The following ENTPD7 variants were observed in gnomAD, a reference collection of about 807,000 sequenced individuals.
ENTPD7 encodes NTPDase 7.
In ENTPD7, 53 loss-of-function variants were observed where a neutral mutation model predicts 77.9. The ratio of observed to expected loss-of-function variants is 0.68; its 90% CI spans 0.55 to 0.85. The LOEUF (loss-of-function observed/expected upper bound fraction) is 0.85. Ranked by LOEUF, ENTPD7 falls within the 40% of genes least tolerant of loss-of-function variation. The probability of loss-of-function intolerance (pLI) is 0.00; values close to 1 mark genes in which losing one functional copy is unlikely to be tolerated. For missense variants in ENTPD7, 636 were observed against 743.7 expected, an observed-to-expected ratio of 0.86 and a Z score of 1.68; for synonymous variants, 248 against 274.9, an observed-to-expected ratio of 0.90 and a Z score of 0.97.
chr10:99,702,738 G>A (rs965902700), intron 12 of ENTPD7, 65 bp downstream of exon 12: 18 of 1,433,738 alleles, frequency 1.3e-5, no homozygotes, highest in Admixed American at 1.1e-4. Context: ...CCTCAGAATC[G>A]GTTTCTTTCT....
At chr10:99,681,597 T>C (rs2035754749) in intron 5 of ENTPD7, among the ~76,000 whole-genome samples, 1 of 152,162 alleles carries the variant, frequency 6.6e-6, no homozygotes, top group Admixed American at 6.6e-5. Context: ...TTTTAATTTT[T>C]TGAGGAACCT....
At position 99,665,328 on chromosome 10, in the gene ENTPD7, G is replaced by A. The variant is rs140290066; in HGVS notation, c.191+3700G>A. 4.2e-4 allele frequency among the ~76,000 whole-genome samples: 64 copies of A among 151,870 alleles called. No individual in the cohort carries two copies. The East Asian group carries it at 9.7e-3, about 23-fold the overall frequency. Reference sequence around the variant, plus strand: ...CAGCATATATATTCACTTATGTCCCGTAGGAGACAGAAAGGCTTTCCATGA... The same window carrying A: ...CAGCATATATATTCACTTATGTCCCATAGGAGACAGAAAGGCTTTCCATGA... On this transcript the variant is annotated intron_variant, in intron 3 of 12. Transcript: ENST00000370489.
At position 99,691,440 on chromosome 10, in the gene ENTPD7, G is replaced by T; in HGVS notation, c.765G>T (p.Gly255=). 6.2e-7 allele frequency: 1 copy of T among 1,614,110 alleles called. No individual in the cohort carries two copies. The highest frequency in any genetic ancestry group is 1.1e-5 in the South Asian group (1 of 91,080). Residue 255 remains glycine (G), a synonymous_variant, in exon 8 of 13, where the codon GGG becomes GGT. Coordinates refer to ENST00000370489, the MANE Select transcript of ENTPD7 (RefSeq NM_020354.5). The part of the protein sequence containing the change: ...ELAAGRRRTV[G]ILDMGGASLQ... Reference sequence around the variant, plus strand: ...CAGCAGGACGGAGAAGGACAGTAGGGATACTGGATATGGGAGGAGCCTCTC... The same window carrying T: ...CAGCAGGACGGAGAAGGACAGTAGGTATACTGGATATGGGAGGAGCCTCTC...
intron 3 of ENTPD7, among the ~76,000 whole-genome samples, chr10:99,665,124 C>T (rs1435873493): frequency 1.3e-5 from 2 of 152,008 alleles, no homozygotes; most frequent in Non-Finnish European, 2.9e-5. Context: ...TGGTAGCATG[C>T]ACCTGTAGTC....
At chr10:99,686,460 A>T (rs2035812041) in intron 6 of ENTPD7, among the ~76,000 whole-genome samples, 1 of 152,200 alleles carries the variant, frequency 6.6e-6, no homozygotes, top group African/African-American at 2.4e-5. Flanking sequence ...TTTCTTATAA[A>T]CGAGAAGGAG....
chr10:99,691,506 TC>T lies in ENTPD7; in HGVS notation c.833del (p.Pro278LeufsTer52). 1 of 1,613,728 alleles carries T rather than the reference TC, an allele frequency of 6.2e-7. No individual in the cohort carries two copies. Among genetic ancestry groups the T allele is most frequent in the Non-Finnish European group, 8.5e-7 (1 of 1,179,892 alleles). Reference protein sequence around the residue: ...YEVPTSTSVLPAKQEEAAKIL... With the variant: ...YEVPTSTSVLXAKQEEAAKIL... Reference sequence around the variant, plus strand: ...AAGTTCCTACCTCAACCTCTGTCCTTCCTGCAAAGCAGGTACTTTACCTTTT... The same window carrying T: ...AAGTTCCTACCTCAACCTCTGTCCTTCTGCAAAGCAGGTACTTTACCTTTT... On this transcript the variant is annotated frameshift_variant, in exon 8 of 13. Coordinates refer to ENST00000370489, the MANE Select transcript of ENTPD7 (RefSeq NM_020354.5). LOFTEE classifies it high-confidence loss of function.
Position 99,678,776 on chromosome 10 carries a change from C to CAA in ENTPD7, c.192-471_192-470dup, listed in dbSNP as rs11444813. ...TGGGTGACAGAATAAGACTCCGTCTCAAAAAAAAAAAAAAATCACCTCCCA... is the reference window on the plus strand; with the variant it reads ...TGGGTGACAGAATAAGACTCCGTCTCAAAAAAAAAAAAAAAAATCACCTCCCA... On this transcript the variant is annotated intron_variant, in intron 3 of 12. Transcript: ENST00000370489. Among the ~76,000 whole-genome samples the CAA allele has an allele frequency of 2.4e-3, 299 of 126,156 alleles. 1 individual carries two copies. The highest frequency in any genetic ancestry group is 6.5e-3 in the South Asian group (24 of 3,686). 82.8% of individuals were successfully genotyped at this position (126,156 alleles called of 152,430 possible).
intron 3 of ENTPD7, among the ~76,000 whole-genome samples, chr10:99,668,058 C>T (rs1023960488): frequency 1.7e-4 from 25 of 150,660 alleles, no homozygotes; most frequent in African/African-American, 5.1e-4. Context: ...CCTTAGCCTC[C>T]CGAGTAGCTG....
Position 99,679,430 on chromosome 10 carries a change from C to G in ENTPD7, c.361C>G (p.Arg121Gly), listed in dbSNP as rs767501634. 6.2e-7 allele frequency: 1 copy of G among 1,613,816 alleles called. No homozygotes were observed. Among genetic ancestry groups the G allele is most frequent in the African/African-American group, 1.3e-5 (1 of 74,966 alleles). The change falls in exon 4 of 13, where the codon CGC (arginine) becomes GGC (glycine). Residue 121 changes from arginine to glycine, a missense_variant. Arg to Gly is a moderately radical substitution (Grantham distance 125). Transcript: ENST00000370489. The part of the protein sequence containing the change: ...DLLDIKQMRD[R>G]NSQPVVKKIK... The stretch of plus-strand genomic sequence containing the variant: ...GCTGGACATCAAACAGATGAGAGAC[C>G]GCAACAGCCAACCAGTGGTTAAAAA...
chr10:99,698,940 A>G, intron 10 of ENTPD7, 82 bp downstream of exon 10: 1 of 1,295,942 alleles, frequency 7.7e-7, no homozygotes, highest in Non-Finnish European at 1.1e-6. Context: ...TGCTGTGCAA[A>G]GGGCTTTGCA....
At position 99,661,628 on chromosome 10, in the gene ENTPD7, G is replaced by A. The variant is rs1177981868; in HGVS notation, c.191G>A (p.Arg64Lys). 1.9e-6 allele frequency: 3 copies of A among 1,600,340 alleles called. No homozygotes were observed. The highest frequency in any genetic ancestry group is 2.6e-6 in the Non-Finnish European group (3 of 1,174,306). The change falls in exon 3 of 13, where the codon AGG becomes AAG. Residue 64 changes from arginine (R) to lysine (K), a missense_variant and splice_region_variant. Physicochemically the swap from Arg to Lys is conservative, Grantham distance 26. Coordinates refer to ENST00000370489, the MANE Select transcript of ENTPD7 (RefSeq NM_020354.5). ...TTACCACGAGATAGGCAATACGAAA[G>A]GTGAGTCAGCTTTAGATTTTGGCAC... Reference protein sequence around the residue: ...ASLPRDRQYERYLARVGELEA... With the variant: ...ASLPRDRQYEKYLARVGELEA...
intron 12 of ENTPD7, 66 bp downstream of exon 12, chr10:99,702,739 GTTTC>G (rs369798472): frequency 2.8e-4 from 396 of 1,424,524 alleles, no homozygotes; most frequent in African/African-American, 6.6e-4. Flanking sequence ...CTCAGAATCG[GTTTC>G]TTTCTTTTTT....
intron 3 of ENTPD7, among the ~76,000 whole-genome samples, chr10:99,670,580 G>A (rs893371399): frequency 2.0e-5 from 3 of 152,206 alleles, no homozygotes; most frequent in Admixed American, 6.5e-5. Context: ...CACTGAGGCT[G>A]TGTGGTGTAT....
In ENTPD7 at chr10:99,679,714, T is replaced by G. The variant is rs748821260; in HGVS notation, c.398-11T>G. The G allele has an allele frequency of 6.2e-7, 1 of 1,602,362 alleles. No homozygotes were observed. The highest frequency in any genetic ancestry group is 1.1e-5 in the South Asian group (1 of 89,014). On this transcript the variant is annotated splice_polypyrimidine_tract_variant and intron_variant, in intron 4 of 12. Transcript: ENST00000370489. ...AAGAAAGTTTTGTCTGTTTGTTTGTTTTAACTTAAGGAATCTCTGCAATGG... is the reference window on the plus strand; with the variant it reads ...AAGAAAGTTTTGTCTGTTTGTTTGTGTTAACTTAAGGAATCTCTGCAATGG...
In ENTPD7 at chr10:99,698,730, A is replaced by G. The variant is rs753300933; in HGVS notation, c.1207A>G (p.Ile403Val). The G allele has an allele frequency of 2.4e-5, 38 of 1,614,218 alleles. No individual in the cohort carries two copies. Among genetic ancestry groups the G allele is most frequent in the Non-Finnish European group, 2.8e-5 (33 of 1,180,034 alleles). Reference protein sequence around the residue: ...SNTSQASLNGIYQSPIDFNNS... With the variant: ...SNTSQASLNGVYQSPIDFNNS... ...CACCAGCCAGGCCTCACTCAATGGC[A>G]TATATCAATCGCCTATTGACTTCAA... The change falls in exon 10 of 13, where the codon ATA becomes GTA. Residue 403 changes from isoleucine (I) to valine (V), a missense_variant. Physicochemically the swap from Ile to Val is conservative, Grantham distance 29. This residue lies in a region of ENTPD7 where 486 missense variants were observed against 556.5 expected (regional missense o/e 0.87). Transcript: ENST00000370489.
In ENTPD7 at chr10:99,710,763, T is replaced by C; in HGVS notation, c.*6080T>C. Reference sequence around the variant, plus strand: ...CTAAAATCATGATTATCAGTGTTGATCTCTGCAACCAACATTGCTTTAGGG... The same window carrying C: ...CTAAAATCATGATTATCAGTGTTGACCTCTGCAACCAACATTGCTTTAGGG... On this transcript the variant is annotated 3_prime_UTR_variant, in exon 13 of 13. Transcript: ENST00000370489. 1 of 985,412 alleles carries C rather than the reference T, an allele frequency of 1.0e-6. No individual in the cohort carries two copies. The highest frequency in any genetic ancestry group is 1.2e-6 in the Non-Finnish European group (1 of 829,920). 61.0% of individuals were successfully genotyped at this position (985,412 alleles called of 1,614,324 possible). A position where few individuals can be genotyped will look rare whatever the true frequency, so the allele number is the denominator to read the frequency against.
In ENTPD7 at chr10:99,661,437, T is replaced by C. The variant is rs1441115753; in HGVS notation, c.9-9T>C. 1 of 1,586,452 alleles carries C rather than the reference T, an allele frequency of 6.3e-7. No individual in the cohort carries two copies. The highest frequency in any genetic ancestry group is 2.3e-5 in the East Asian group (1 of 43,900). On this transcript the variant is annotated splice_polypyrimidine_tract_variant and intron_variant, in intron 2 of 12. Transcript: ENST00000370489. Reference sequence around the variant, plus strand: ...TGTTTCAGACTTACTAATGTTTGTCTAATTTCAGGATCAGTTTTTCCTACC... The same window carrying C: ...TGTTTCAGACTTACTAATGTTTGTCCAATTTCAGGATCAGTTTTTCCTACC...
intron 3 of ENTPD7, among the ~76,000 whole-genome samples, chr10:99,672,375 A>G (rs2035628251): frequency 6.7e-6 from 1 of 149,870 alleles, no homozygotes; most frequent in Non-Finnish European, 1.5e-5. Flanking sequence ...GCGTGATCAT[A>G]GCTCACTGCA....
chr10:99,711,151 A>C lies in ENTPD7; in HGVS notation c.*6468A>C. 1.0e-6 allele frequency: 1 copy of C among 984,954 alleles called. No individual in the cohort carries two copies. Among genetic ancestry groups the C allele is most frequent in the Non-Finnish European group, 1.2e-6 (1 of 829,472 alleles). The allele number at this position is 984,954 out of a possible 1,614,324, so 61.0% of individuals were successfully genotyped here. ...CACCAGAAGCTCATAGATATAATAC[A>C]GTTATATAGCTAAATGCAACCAGTT... is the stretch of plus-strand genomic sequence containing the variant. On this transcript the variant is annotated 3_prime_UTR_variant, in exon 13 of 13. Coordinates refer to ENST00000370489, the MANE Select transcript of ENTPD7 (RefSeq NM_020354.5).
Sources: allele counts gnomAD v4.1 joint callset (sites outside exome capture counted in the v4.1 genomes callset), GRCh38; gene constraint gnomAD v4.1.1; regional missense constraint gnomAD v4.1.1; transcripts MANE v1.5; gene names NCBI Gene and HGNC (gene_info 2026-07-23, HGNC 2026-07-21).